Variants in NBEA observed in about 807,000 individuals in gnomAD.
NBEA encodes neurobeachin, also known as lysosomal-trafficking regulator 2.
Under a neutral mutation model 343.4 loss-of-function variants are expected in NBEA, and 44 were observed. That is an observed-to-expected ratio of 0.13 (90% CI 0.10 to 0.16). The LOEUF is 0.16. Among genes scored for constraint, NBEA ranks in the 10% least tolerant of loss-of-function variants. The probability of loss-of-function intolerance (pLI) is 1.00; values close to 1 mark genes in which losing one functional copy is unlikely to be tolerated. For missense variants in NBEA, 2,555 were observed against 3,631.3 expected, an observed-to-expected ratio of 0.70 and a Z score of 7.62; for synonymous variants, 1,175 against 1,238.7, an observed-to-expected ratio of 0.95 and a Z score of 1.08.
intron 13 of NBEA, among the ~76,000 whole-genome samples, chr13:35,111,246 A>G (rs2066191317): frequency 6.6e-6 from 1 of 152,184 alleles, no homozygotes; most frequent in Non-Finnish European, 1.5e-5. Flanking sequence ...TACATTCATA[A>G]TATTAAAAAC....
chr13:35,036,877 GTCT>G (rs1212685898), intron 1 of NBEA, among the ~76,000 whole-genome samples: 2 of 152,058 alleles, frequency 1.3e-5, no homozygotes, highest in African/African-American at 4.8e-5. Flanking sequence ...TCTTGAGGTA[GTCT>G]TCTTTGGGTT....
intron 35 of NBEA, among the ~76,000 whole-genome samples, chr13:35,297,835 T>A (rs1374949163): frequency 6.6e-6 from 1 of 151,932 alleles, no homozygotes; most frequent in Non-Finnish European, 1.5e-5. Context: ...ATTTTTATTG[T>A]GATAAAATAC....
At chr13:35,080,402 G>A (rs145725644) in intron 10 of NBEA, among the ~76,000 whole-genome samples, 3 of 152,182 alleles carry the variant, frequency 2.0e-5, no homozygotes, top group Middle Eastern at 3.4e-3. Flanking sequence ...GGGGTCTTAC[G>A]TATCTGATGG....
intron 48 of NBEA, among the ~76,000 whole-genome samples, chr13:35,624,977 G>T (rs2083157903): frequency 6.6e-6 from 1 of 151,834 alleles, no homozygotes; most frequent in South Asian, 2.1e-4. Context: ...TCTGAGAAAA[G>T]GAATTTTTGT....
rs1199593129 is a variant in NBEA, at chr13:35,649,635, C to A, written c.7771-20C>A. On this transcript the variant is annotated intron_variant, in intron 51 of 58. Coordinates refer to ENST00000379939, the MANE Select transcript of NBEA (RefSeq NM_001385012.1). ...TATTCCTTTTGTCTTCCTCTGTTCTCTTCCCTTTCTATTCAACAGTGTTTC... is the reference window on the plus strand; with the variant it reads ...TATTCCTTTTGTCTTCCTCTGTTCTATTCCCTTTCTATTCAACAGTGTTTC... 1.9e-6 allele frequency: 3 copies of A among 1,593,696 alleles called. No homozygotes were observed. Among genetic ancestry groups the A allele is most frequent in the Non-Finnish European group, 1.7e-6 (2 of 1,161,684 alleles).
intron 1 of NBEA, among the ~76,000 whole-genome samples, chr13:34,951,504 T>C (rs143551230): frequency 6.6e-4 from 101 of 152,336 alleles, no homozygotes; most frequent in African/African-American, 2.3e-3. Context: ...CTGAAAGTGA[T>C]CTGTCCTATT....
chr13:35,289,709 TG>T lies in NBEA; in HGVS notation c.5777-679del, dbSNP rs773267801. Among the ~76,000 whole-genome samples, 341 of 151,962 alleles carry T rather than the reference TG, an allele frequency of 2.2e-3. 1 individual carries two copies. The highest frequency in any genetic ancestry group is 2.7e-3 in the Non-Finnish European group (182 of 67,810). ...CCATGCACGTAAGGCACTGTGCCAG[TG>T]TGTTAAATATTGCCCAGCACATGCT... On this transcript the variant is annotated intron_variant, in intron 34 of 58. Transcript: ENST00000379939.
Position 35,328,423 on chromosome 13 carries a change from A to G in NBEA, c.5903+18831A>G, listed in dbSNP as rs931750257. 2.6e-5 allele frequency among the ~76,000 whole-genome samples: 4 copies of G among 151,928 alleles called. No individual in the cohort carries two copies. The East Asian group carries it at 5.8e-4, about 22-fold the overall frequency. On this transcript the variant is annotated intron_variant, in intron 36 of 58. Transcript: ENST00000379939. ...GTATAAAAAAATAGAAAGAAGGAATAATGCCTAGTATTCAATGGCACAACA... is the reference window on the plus strand; with the variant it reads ...GTATAAAAAAATAGAAAGAAGGAATGATGCCTAGTATTCAATGGCACAACA...
intron 41 of NBEA, among the ~76,000 whole-genome samples, chr13:35,504,049 T>C (rs1255666643): frequency 1.3e-5 from 2 of 152,180 alleles, no homozygotes; most frequent in Admixed American, 1.3e-4. Flanking sequence ...TATATTATGC[T>C]ATCTAGGAAG....
intron 50 of NBEA, 101 bp downstream of exon 50, chr13:35,646,032 A>G (rs2084212811): frequency 1.3e-6 from 1 of 799,126 alleles, no homozygotes; most frequent in African/African-American, 1.8e-5. Context: ...GCTTCTGGGA[A>G]TAAGAATAGT....
chr13:35,281,490 C>T (rs2152811465), intron 34 of NBEA, among the ~76,000 whole-genome samples: 1 of 152,184 alleles, frequency 6.6e-6, no homozygotes, highest in Non-Finnish European at 1.5e-5. Context: ...GTGAGGTTCG[C>T]CTGACTGACC....
At chr13:35,590,450 G>T (rs572131589) in intron 46 of NBEA, among the ~76,000 whole-genome samples, 1 of 152,082 alleles carries the variant, frequency 6.6e-6, no homozygotes, top group South Asian at 2.1e-4. Context: ...CTGCTTTTAG[G>T]TGCCACCAGA....
chr13:35,341,961 C>A (rs562886434), intron 36 of NBEA, among the ~76,000 whole-genome samples: 1 of 152,070 alleles, frequency 6.6e-6, no homozygotes, highest in East Asian at 1.9e-4. Flanking sequence ...TGGAAACAAC[C>A]CAAATGTTCA....
At position 35,649,692 on chromosome 13, in the gene NBEA, A is replaced by G; in HGVS notation, c.7808A>G (p.Gln2603Arg). The G allele has an allele frequency of 8.1e-6, 13 of 1,613,988 alleles. No individual in the cohort carries two copies. The highest frequency in any genetic ancestry group is 1.1e-5 in the Non-Finnish European group (13 of 1,179,844). ...LPQSPLMFKD[Q>R]MQQDVIMVLK... is the part of the protein sequence containing the mutation. ...CAGAGTCCGCTCATGTTTAAAGATC[A>G]GATGCAACAGGATGTGATAATGGTG... Residue 2603 changes from glutamine (Q) to arginine (R), a missense_variant, in exon 52 of 59, where the codon CAG (glutamine) becomes CGG (arginine). Gln to Arg is a conservative substitution (Grantham distance 43). Transcript: ENST00000379939.
intron 51 of NBEA, among the ~76,000 whole-genome samples, chr13:35,646,743 T>C (rs2084254743): frequency 6.6e-6 from 1 of 152,194 alleles, no homozygotes; most frequent in Admixed American, 6.5e-5. Flanking sequence ...GGGAAGTAGT[T>C]CATTTGAATA....
chr13:35,611,060 C>T (rs1392293132), intron 48 of NBEA, among the ~76,000 whole-genome samples: 1 of 150,842 alleles, frequency 6.6e-6, no homozygotes, highest in Non-Finnish European at 1.5e-5. Flanking sequence ...AAAAAAAAAC[C>T]TCTGACATCC....
At chr13:35,430,452 A>G (rs1016245972) in intron 38 of NBEA, among the ~76,000 whole-genome samples, 4 of 152,094 alleles carry the variant, frequency 2.6e-5, no homozygotes. Context: ...AGTTTAATTA[A>G]GTCCCATCTA....
intron 10 of NBEA, among the ~76,000 whole-genome samples, chr13:35,090,335 G>C (rs2065018541): frequency 6.6e-6 from 1 of 151,908 alleles, no homozygotes; most frequent in Admixed American, 6.6e-5. Context: ...AGAGATTTCT[G>C]ATAACATTTA....
intron 48 of NBEA, among the ~76,000 whole-genome samples, chr13:35,624,294 A>G (rs2083127925): frequency 6.6e-6 from 1 of 152,180 alleles, no homozygotes; most frequent in Non-Finnish European, 1.5e-5. Context: ...ATAACCAAGT[A>G]TAAAATATAG....
Sources: allele counts gnomAD v4.1 joint callset (sites outside exome capture counted in the v4.1 genomes callset), GRCh38; gene constraint gnomAD v4.1.1; transcripts MANE v1.5; gene names NCBI Gene and HGNC (gene_info 2026-07-23, HGNC 2026-07-21).